Variants in PPM1L observed in about 807,000 individuals in gnomAD.
PPM1L encodes the protein protein phosphatase, Mg2+/Mn2+ dependent 1L.
Under a neutral mutation model 31.4 loss-of-function variants are expected in PPM1L, and 13 were observed. That is an observed-to-expected ratio of 0.41 (90% CI 0.27 to 0.66). PPM1L has a LOEUF of 0.66. PPM1L is among the 30% of genes least tolerant of loss of function. PPM1L has a pLI of 0.29. For synonymous variants in PPM1L, 184 were observed against 175.4 expected (o/e 1.05, Z -0.39); for missense variants, 326 against 453.7 (o/e 0.72, Z 2.56).
chr3:160,988,430 A>G (rs1717034554), intron 2 of PPM1L, among the ~76,000 whole-genome samples: 1 of 152,214 alleles, frequency 6.6e-6, no homozygotes, highest in Non-Finnish European at 1.5e-5. Context: ...GATGCAAAAA[A>G]TCAGATTTTC....
At chr3:160,951,217 G>A (rs1457170413) in intron 1 of PPM1L, among the ~76,000 whole-genome samples, 2 of 152,082 alleles carry the variant, frequency 1.3e-5, no homozygotes, top group African/African-American at 2.4e-5. Context: ...ATCCCTCAGG[G>A]GAACATAGAT....
Position 160,981,801 on chromosome 3 carries a change from C to T in PPM1L, c.574+19891C>T, listed in dbSNP as rs957894656. Among the ~76,000 whole-genome samples, 6 of 151,706 alleles carry T rather than the reference C, an allele frequency of 4.0e-5. No homozygotes were observed. The South Asian group carries it at 6.3e-4, about 16-fold the overall frequency. On this transcript the variant is annotated intron_variant, in intron 2 of 3. Transcript: ENST00000498165. Reference sequence around the variant, plus strand: ...TTATTGAGATGGAGTCTCGCTCTGTCGCTCAGGCTGGAGTACAATGGCAGG... The same window carrying T: ...TTATTGAGATGGAGTCTCGCTCTGTTGCTCAGGCTGGAGTACAATGGCAGG...
intron 1 of PPM1L, among the ~76,000 whole-genome samples, chr3:160,916,120 G>C (rs1194274846): frequency 6.6e-6 from 1 of 152,128 alleles, no homozygotes; most frequent in Non-Finnish European, 1.5e-5. Flanking sequence ...GAGTGAACAG[G>C]CAACCTACAG....
chr3:160,958,986 A>G (rs1414541547), intron 1 of PPM1L, among the ~76,000 whole-genome samples: 2 of 152,232 alleles, frequency 1.3e-5, no homozygotes, highest in South Asian at 4.1e-4. Flanking sequence ...TATAAAAAAG[A>G]CACGTGCATG....
At chr3:160,860,662 C>T (rs1711854855) in intron 1 of PPM1L, among the ~76,000 whole-genome samples, 1 of 152,120 alleles carries the variant, frequency 6.6e-6, no homozygotes, top group African/African-American at 2.4e-5. Flanking sequence ...TTAGGTTGGG[C>T]TGCTATAATG....
At chr3:160,986,639 C>T (rs1415391460) in intron 2 of PPM1L, among the ~76,000 whole-genome samples, 5 of 152,142 alleles carry the variant, frequency 3.3e-5, no homozygotes, top group African/African-American at 1.2e-4. Flanking sequence ...TTGGTTACTT[C>T]TTCATAGAAC....
intron 1 of PPM1L, among the ~76,000 whole-genome samples, chr3:160,929,739 G>A (rs1714722348): frequency 6.6e-6 from 1 of 152,172 alleles, no homozygotes; most frequent in Admixed American, 6.5e-5. Context: ...GCAGTCCTCT[G>A]GCAGGATCGA....
rs1462715139 is a variant in PPM1L, at chr3:160,864,890, A to G, written c.400-96846A>G. ...ATTTTCTAGGAAGTTTATATCCTAT[A>G]AGTGGGTAGAAAAATTGGGTATCTA... On this transcript the variant is annotated intron_variant, in intron 1 of 3. Coordinates refer to ENST00000498165, the MANE Select transcript of PPM1L (RefSeq NM_139245.4). Among the ~76,000 whole-genome samples the G allele has an allele frequency of 2.0e-5, 3 of 152,206 alleles. 1 individual carries two copies. The highest frequency in any genetic ancestry group is 7.2e-5 in the African/African-American group (3 of 41,448).
In PPM1L at chr3:161,078,236, G is replaced by T. The variant is rs576927798; in HGVS notation, c.*9079G>T. ...GAGAGAAAAAGGGGAAGGAAAAAAA[G>T]TAGTGTTTTTTTGGGGAACAGTATA... is the stretch of plus-strand genomic sequence containing the variant. On this transcript the variant is annotated 3_prime_UTR_variant, in exon 4 of 4. Coordinates refer to ENST00000498165, the MANE Select transcript of PPM1L (RefSeq NM_139245.4). 4 of 152,322 alleles carry T rather than the reference G, an allele frequency of 2.6e-5. No individual in the cohort carries two copies. The East Asian group carries it at 5.8e-4, about 22-fold the overall frequency. 9.4% of individuals were successfully genotyped at this position (152,322 alleles called of 1,614,324 possible). A position where few individuals can be genotyped will look rare whatever the true frequency, so the allele number is the denominator to read the frequency against.
intron 1 of PPM1L, among the ~76,000 whole-genome samples, chr3:160,943,475 T>G (rs964687499): frequency 6.6e-6 from 1 of 152,172 alleles, no homozygotes; most frequent in Non-Finnish European, 1.5e-5. Context: ...TTAGCTATCA[T>G]TTACAGAAGT....
At chr3:160,779,533 T>C (rs1284579672) in intron 1 of PPM1L, among the ~76,000 whole-genome samples, 4 of 152,062 alleles carry the variant, frequency 2.6e-5, no homozygotes, top group South Asian at 4.1e-4. Context: ...TACTTTTTTT[T>C]CTTTTTTGAG....
intron 2 of PPM1L, among the ~76,000 whole-genome samples, chr3:160,993,820 A>G (rs1359843471): frequency 6.6e-6 from 1 of 152,192 alleles, no homozygotes; most frequent in East Asian, 1.9e-4. Context: ...TGGTATATAC[A>G]GACAGACAGT....
In PPM1L at chr3:160,756,562, C is replaced by T. The variant is rs759937645; in HGVS notation, c.254C>T (p.Thr85Ile). The T allele has an allele frequency of 6.2e-7, 1 of 1,614,122 alleles. No individual in the cohort carries two copies. The change falls in exon 1 of 4, where the codon ACC becomes ATC. Residue 85 changes from threonine to isoleucine, a missense_variant. Transcript: ENST00000498165. This position sits in a 1 kb window ranked among gnomAD's most constrained non-coding sequence, Gnocchi z 6.2. ...LDVLEAEFSK[T>I]WEFKNHNVAV... ...GTGCTCGAGGCCGAGTTTTCCAAGA[C>T]CTGGGAGTTCAAGAACCACAACGTG...
At chr3:160,876,002 T>C (rs938778324) in intron 1 of PPM1L, among the ~76,000 whole-genome samples, 8 of 152,212 alleles carry the variant, frequency 5.3e-5, no homozygotes, top group Admixed American at 2.6e-4. Flanking sequence ...TAAGTCCTAG[T>C]CTTGAAGAGT....
At chr3:160,794,218 G>A (rs1015031103) in intron 1 of PPM1L, among the ~76,000 whole-genome samples, 4 of 152,110 alleles carry the variant, frequency 2.6e-5, no homozygotes, top group Non-Finnish European at 4.4e-5. Flanking sequence ...GATTATTTTA[G>A]TGTATCATAT....
chr3:160,957,444 G>A (rs1365557434), intron 1 of PPM1L, among the ~76,000 whole-genome samples: 1 of 152,048 alleles, frequency 6.6e-6, no homozygotes, highest in Non-Finnish European at 1.5e-5. Flanking sequence ...GAGTCAAATG[G>A]TATTTCTGTC....
chr3:160,757,534 G>A (rs1323676316), intron 1 of PPM1L, among the ~76,000 whole-genome samples: 11 of 152,238 alleles, frequency 7.2e-5, no homozygotes. Context: ...CATTTCTGTG[G>A]CACCCGGGTT....
At chr3:160,829,166 C>G (rs762815873) in intron 1 of PPM1L, among the ~76,000 whole-genome samples, 5 of 151,824 alleles carry the variant, frequency 3.3e-5, no homozygotes, top group African/African-American at 7.3e-5. Flanking sequence ...TCCCCTACCC[C>G]CTCCTTGGGT....
chr3:161,069,406 G>C lies in PPM1L; in HGVS notation c.*249G>C. The C allele has an allele frequency of 2.0e-6, 1 of 504,054 alleles. No individual in the cohort carries two copies. 31.2% of individuals were successfully genotyped at this position (504,054 alleles called of 1,614,324 possible). A position where few individuals can be genotyped will look rare whatever the true frequency, so the allele number is the denominator to read the frequency against. On this transcript the variant is annotated 3_prime_UTR_variant, in exon 4 of 4. Coordinates refer to ENST00000498165, the MANE Select transcript of PPM1L (RefSeq NM_139245.4). ...TTCATCCAGTGTCCAAAATATATAA[G>C]TAAATAGCTGTAGAGTCACATATAT...
Sources: allele counts gnomAD v4.1 joint callset (sites outside exome capture counted in the v4.1 genomes callset), GRCh38; gene constraint gnomAD v4.1.1; non-coding constraint Gnocchi (gnomAD v3.1); transcripts MANE v1.5; gene names NCBI Gene and HGNC (gene_info 2026-07-23, HGNC 2026-07-21).